The following ANKRD28 variants were observed in gnomAD, a reference collection of about 807,000 sequenced individuals.
The protein encoded by ANKRD28 is ankyrin repeat domain 28.
Under a neutral mutation model 126.5 loss-of-function variants are expected in ANKRD28, and 44 were observed. The ratio of observed to expected loss-of-function variants is 0.35; its 90% CI spans 0.27 to 0.45. The LOEUF (loss-of-function observed/expected upper bound fraction) is 0.45, where lower values mean the gene tolerates loss of function less well. ANKRD28 is among the 20% of genes least tolerant of loss of function. The probability of loss-of-function intolerance (pLI) is 1.00; values close to 1 mark genes in which losing one functional copy is unlikely to be tolerated. For synonymous variants in ANKRD28, 442 were observed against 468.5 expected, an observed-to-expected ratio of 0.94 and a Z score of 0.73; for missense variants, 1,110 against 1,316.6, an observed-to-expected ratio of 0.84 and a Z score of 2.43.
chr3:15,705,931 G>C (rs921591237), intron 14 of ANKRD28, among the ~76,000 whole-genome samples: 5 of 152,062 alleles, frequency 3.3e-5, no homozygotes, highest in South Asian at 4.1e-4. Flanking sequence ...AACCTGGGAG[G>C]TGGAAGCTGC....
chr3:15,856,898 A>G (rs2061781817), intron 1 of ANKRD28, among the ~76,000 whole-genome samples: 1 of 152,212 alleles, frequency 6.6e-6, no homozygotes, highest in African/African-American at 2.4e-5. Context: ...CAGACCTAAA[A>G]AAGTACATTC....
chr3:15,815,496 T>C lies in ANKRD28; in HGVS notation c.28-20190A>G, dbSNP rs151311927. ...ATTTGTTTGTAGAGATGGGGTCTCATTATGTTGCCTAGGCTGGTCTCAAAC... is the reference window on the plus strand; with the variant it reads ...ATTTGTTTGTAGAGATGGGGTCTCACTATGTTGCCTAGGCTGGTCTCAAAC... On this transcript the variant is annotated intron_variant, in intron 1 of 27. Transcript: ENST00000399451. The surrounding 1 kb of genome is among the most constrained non-coding windows in gnomAD (Gnocchi z 4.1). 2.5e-3 allele frequency among the ~76,000 whole-genome samples: 381 copies of C among 152,184 alleles called. 1 individual carries two copies. Among genetic ancestry groups the C allele is most frequent in the South Asian group, 4.8e-3 (23 of 4,812 alleles).
At position 15,833,513 on chromosome 3, in the gene ANKRD28, CTA is replaced by C. The variant is rs142975575; in HGVS notation, c.27+25862_27+25863del. Among the ~76,000 whole-genome samples, 3 of 147,616 alleles carry C rather than the reference CTA, an allele frequency of 2.0e-5. No individual in the cohort carries two copies. The highest frequency in any genetic ancestry group is 2.1e-4 in the South Asian group (1 of 4,754). ...ATAAAAATATACTACATATTATGTACTATATATATATAAAATATATACATTAT... is the reference window on the plus strand; with the variant it reads ...ATAAAAATATACTACATATTATGTACTATATATATAAAATATATACATTAT... On this transcript the variant is annotated intron_variant, in intron 1 of 27. Transcript: ENST00000399451. This position sits in a 1 kb window ranked among gnomAD's most constrained non-coding sequence, Gnocchi z 4.4.
chr3:15,764,565 G>A (rs1226953835), intron 3 of ANKRD28, among the ~76,000 whole-genome samples: 2 of 151,240 alleles, frequency 1.3e-5, no homozygotes, highest in Admixed American at 6.6e-5. Flanking sequence ...AACCCTCCAC[G>A]TGGAATCATA....
chr3:15,842,050 T>C (rs2061433905), intron 1 of ANKRD28, among the ~76,000 whole-genome samples: 1 of 148,034 alleles, frequency 6.8e-6, no homozygotes, highest in African/African-American at 2.5e-5. Context: ...ATATATAACA[T>C]AATTTATATA....
At chr3:15,820,806 T>A (rs2125910593) in intron 1 of ANKRD28, among the ~76,000 whole-genome samples, 1 of 152,246 alleles carries the variant, frequency 6.6e-6, no homozygotes, top group Middle Eastern at 3.4e-3. Flanking sequence ...AAGAAAATAA[T>A]GCAATTTTAG....
In ANKRD28 at chr3:15,678,250, G is replaced by T; in HGVS notation, c.2666C>A (p.Pro889His). Residue 889 changes from proline to histidine, a missense_variant, in exon 24 of 28, where the codon CCT becomes CAT. Pro to His is a moderately conservative substitution (Grantham distance 77, BLOSUM62 -2). Transcript: ENST00000683139. ...TCCATTTTCTGCAGCCATCATAAGA[G>T]GTGTTTTCCCTGTAGAGTCCACAGA... Reference protein sequence around the residue: ...VNSVDSTGKTPLMMAAENGQT... With the variant: ...VNSVDSTGKTHLMMAAENGQT... The T allele has an allele frequency of 6.2e-7, 1 of 1,612,558 alleles. No individual in the cohort carries two copies.
rs1002809978 is a variant in ANKRD28, at chr3:15,700,797, A to G, written c.1548-4552T>C. Among the ~76,000 whole-genome samples the G allele has an allele frequency of 3.9e-5, 6 of 152,124 alleles. No homozygotes were observed. The East Asian group carries it at 9.6e-4, about 24-fold the overall frequency. On this transcript the variant is annotated intron_variant, in intron 14 of 27. Coordinates refer to ENST00000683139, the MANE Select transcript of ANKRD28 (RefSeq NM_001349278.2). ...GAAACACAACAGTATATAGGCCATA[A>G]TTTACAATTTTAATACATTTTATTA...
intron 4 of ANKRD28, among the ~76,000 whole-genome samples, chr3:15,747,652 A>G (rs538089938): frequency 1.3e-5 from 2 of 152,182 alleles, no homozygotes; most frequent in Non-Finnish European, 2.9e-5. Flanking sequence ...GTGCTGATGA[A>G]TAGAATGCAT....
At chr3:15,698,018 G>A (rs1026600403) in intron 14 of ANKRD28, among the ~76,000 whole-genome samples, 4 of 151,780 alleles carry the variant, frequency 2.6e-5, no homozygotes, top group African/African-American at 4.8e-5. Context: ...GTTTATTTGC[G>A]TAGAGGTGTT....
intron 3 of ANKRD28, among the ~76,000 whole-genome samples, chr3:15,762,758 G>C (rs2058556217): frequency 6.6e-6 from 1 of 151,902 alleles, no homozygotes; most frequent in Non-Finnish European, 1.5e-5. Flanking sequence ...AAATAGAAAT[G>C]CTCCTTAAAA....
chr3:15,680,733 A>G (rs2067451706), intron 21 of ANKRD28, among the ~76,000 whole-genome samples: 1 of 151,880 alleles, frequency 6.6e-6, no homozygotes, highest in Admixed American at 6.6e-5. Flanking sequence ...TGGCATGATC[A>G]TGACTCTCTG....
In ANKRD28 at chr3:15,771,715, AT is replaced by A. The variant is rs2059020265; in HGVS notation, c.202-5404del. Among the ~76,000 whole-genome samples, 7 of 152,324 alleles carry A rather than the reference AT, an allele frequency of 4.6e-5. No homozygotes were observed. The South Asian group carries it at 1.5e-3, about 32-fold the overall frequency. ...ATTGAAGATCACATTTCAACATGAG[AT>A]TTGGAGGGGACAAACATCCAAACGA... On this transcript the variant is annotated intron_variant, in intron 2 of 27. Transcript: ENST00000683139.
intron 4 of ANKRD28, among the ~76,000 whole-genome samples, chr3:15,746,219 T>A (rs1420026855): frequency 1.3e-5 from 2 of 152,128 alleles, no homozygotes; most frequent in Non-Finnish European, 2.9e-5. Context: ...TTGTCTGATG[T>A]CTCTGGCTAG....
At chr3:15,779,259 A>G (rs2059436006) in intron 2 of ANKRD28, among the ~76,000 whole-genome samples, 2 of 152,212 alleles carry the variant, frequency 1.3e-5, no homozygotes, top group South Asian at 4.1e-4. Context: ...ATAATCTGAT[A>G]TAAGGAAATA....
At chr3:15,765,841 A>C (rs2058709022) in intron 3 of ANKRD28, among the ~76,000 whole-genome samples, 1 of 87,074 alleles carries the variant, frequency 1.1e-5, no homozygotes, top group African/African-American at 3.3e-5. Flanking sequence ...CTCAAAAACC[A>C]AAAACCAAAA....
chr3:15,685,789 G>C (rs1217349982), intron 20 of ANKRD28, among the ~76,000 whole-genome samples: 2 of 152,138 alleles, frequency 1.3e-5, no homozygotes, highest in African/African-American at 2.4e-5. Context: ...AAAAGTTTTA[G>C]AGTTTTAAAA....
chr3:15,714,457 T>A (rs1455228273), intron 9 of ANKRD28, 121 bp downstream of exon 9: 13 of 695,518 alleles, frequency 1.9e-5, no homozygotes, highest in Non-Finnish European at 2.3e-6. Context: ...TCTGAAATCA[T>A]GTATTAAAAA....
At chr3:15,699,627 C>CA (rs1416105622) in intron 14 of ANKRD28, among the ~76,000 whole-genome samples, 3 of 151,942 alleles carry the variant, frequency 2.0e-5, no homozygotes, top group Admixed American at 6.5e-5. Flanking sequence ...AATAGACATA[C>CA]AAAAAAATGC....
Sources: allele counts gnomAD v4.1 joint callset (sites outside exome capture counted in the v4.1 genomes callset), GRCh38; gene constraint gnomAD v4.1.1; non-coding constraint Gnocchi (gnomAD v3.1); transcripts MANE v1.5; gene names NCBI Gene and HGNC (gene_info 2026-07-23, HGNC 2026-07-21).